The following HECA variants were observed in gnomAD, a reference collection of about 807,000 sequenced individuals.
The protein encoded by HECA is HECA ribonucleoprotein granule regulator, also known as headcase protein homolog.
HECA carries 13 observed loss-of-function variants against 37.6 expected under a neutral mutation model. That is an observed-to-expected ratio of 0.35 (90% CI 0.23 to 0.55). The LOEUF (loss-of-function observed/expected upper bound fraction) is 0.55. Among genes scored for constraint, HECA ranks in the 20% least tolerant of loss-of-function variants. HECA has a pLI of 0.90. For synonymous variants in HECA, 307 were observed against 291.5 expected (o/e 1.05, Z -0.54); for missense variants, 527 against 701.9 (o/e 0.75, Z 2.82).
In HECA at chr6:139,150,892, A is replaced by T. The variant is rs1228445120; in HGVS notation, c.271+15225A>T. 2.6e-5 allele frequency among the ~76,000 whole-genome samples: 4 copies of T among 152,326 alleles called. No homozygotes were observed. In the East Asian group the frequency reaches 7.7e-4, roughly 29 times the overall value. On this transcript the variant is annotated intron_variant, in intron 1 of 3. Coordinates refer to ENST00000367658, the MANE Select transcript of HECA (RefSeq NM_016217.3). Reference sequence around the variant, plus strand: ...TAATTTTCCTTAGAAAATTTTATGAAATACTCCCTTGAAATCAAATCATAT... The same window carrying T: ...TAATTTTCCTTAGAAAATTTTATGATATACTCCCTTGAAATCAAATCATAT...
At chr6:139,160,255 TAAAC>T (rs937830592) in intron 1 of HECA, among the ~76,000 whole-genome samples, 3 of 152,238 alleles carry the variant, frequency 2.0e-5, no homozygotes, top group Non-Finnish European at 2.9e-5. Flanking sequence ...TATACTTTTT[TAAAC>T]AATGCCAACT....
chr6:139,174,560 G>A (rs1775024392), intron 3 of HECA, 21 bp downstream of exon 3: 2 of 1,607,772 alleles, frequency 1.2e-6, no homozygotes, highest in Non-Finnish European at 1.7e-6. Context: ...AACACACTGA[G>A]GGAGCAGTGG....
intron 1 of HECA, among the ~76,000 whole-genome samples, chr6:139,146,620 G>T (rs1223707666): frequency 6.6e-6 from 1 of 152,180 alleles, no homozygotes; most frequent in East Asian, 1.9e-4. Flanking sequence ...GCCTGAGATG[G>T]CTGGTGATAG....
intron 1 of HECA, among the ~76,000 whole-genome samples, chr6:139,148,303 A>G (rs1562243654): frequency 6.6e-6 from 1 of 152,254 alleles, no homozygotes; most frequent in South Asian, 2.1e-4. Context: ...ATAAAGGTAA[A>G]GGTAAGGGAG....
At position 139,135,339 on chromosome 6, in the gene HECA, T is replaced by G; in HGVS notation, c.-58T>G. ...CTTCACGCAGGGCCGGGAACGGCCG[T>G]GCCTCTGGGATCCGCCTTCGCTGAC... On this transcript the variant is annotated 5_prime_UTR_variant, in exon 1 of 4. Coordinates refer to ENST00000367658, the MANE Select transcript of HECA (RefSeq NM_016217.3). The G allele has an allele frequency of 4.0e-6, 5 of 1,248,348 alleles. No individual in the cohort carries two copies. In the South Asian group the frequency reaches 4.7e-5, roughly 12 times the overall value. 77.3% of individuals were successfully genotyped at this position (1,248,348 alleles called of 1,614,324 possible).
At chr6:139,169,032 A>G (rs1461280942) in intron 2 of HECA, among the ~76,000 whole-genome samples, 2 of 152,098 alleles carry the variant, frequency 1.3e-5, no homozygotes, top group East Asian at 1.9e-4. Flanking sequence ...AAATTTCACC[A>G]TATGTGGGTC....
intron 1 of HECA, among the ~76,000 whole-genome samples, chr6:139,147,928 CAGT>C (rs754449892): frequency 1.3e-5 from 2 of 152,336 alleles, no homozygotes; most frequent in East Asian, 1.9e-4. Context: ...TTTACACCAT[CAGT>C]GGTGGTGCAG....
At position 139,157,108 on chromosome 6, in the gene HECA, G is replaced by A. The variant is rs924827304; in HGVS notation, c.272-9176G>A. ...CTTGATGATACACTAAACAAGTGGT[G>A]GATTATTCATGCCTCCCCTTTTTAG... is the stretch of plus-strand genomic sequence containing the variant. On this transcript the variant is annotated intron_variant, in intron 1 of 3. Coordinates refer to ENST00000367658, the MANE Select transcript of HECA (RefSeq NM_016217.3). Among the ~76,000 whole-genome samples, 5 of 152,182 alleles carry A rather than the reference G, an allele frequency of 3.3e-5. No homozygotes were observed. The East Asian group carries it at 5.8e-4, about 18-fold the overall frequency.
rs78970925 is a variant in HECA, at chr6:139,139,830, G to A, written c.271+4163G>A. 3.8e-3 allele frequency among the ~76,000 whole-genome samples: 586 copies of A among 152,358 alleles called. 4 individuals carry two copies. Among genetic ancestry groups the A allele is most frequent in the African/African-American group, 0.013 (553 of 41,578 alleles). ...AGAGGGACTCTGCTGAGAAGCTTCA[G>A]CTCTGAGTGAAAGGAGAGCCATTCT... On this transcript the variant is annotated intron_variant, in intron 1 of 3. Transcript: ENST00000367658.
intron 1 of HECA, among the ~76,000 whole-genome samples, chr6:139,160,009 T>C (rs987619834): frequency 3.1e-4 from 47 of 152,122 alleles, no homozygotes; most frequent in African/African-American, 1.0e-3. Flanking sequence ...CCTCTTTCAA[T>C]AGGTAAGGAG....
intron 1 of HECA, among the ~76,000 whole-genome samples, chr6:139,141,329 A>G (rs908147540): frequency 6.6e-6 from 1 of 152,188 alleles, no homozygotes; most frequent in Non-Finnish European, 1.5e-5. Flanking sequence ...AAAGAAGATC[A>G]TATATTTTAT....
chr6:139,140,632 T>C (rs915551076), intron 1 of HECA, among the ~76,000 whole-genome samples: 3 of 152,236 alleles, frequency 2.0e-5, no homozygotes, highest in African/African-American at 7.2e-5. Flanking sequence ...CCATGGAGAA[T>C]TGAAAACGGG....
At chr6:139,137,681 C>CT (rs1316066328) in intron 1 of HECA, among the ~76,000 whole-genome samples, 16 of 130,240 alleles carry the variant, frequency 1.2e-4, no homozygotes, top group Admixed American at 1.2e-3. Context: ...TCACAGTTTC[C>CT]TTTTTTTTCT....
intron 2 of HECA, among the ~76,000 whole-genome samples, chr6:139,172,223 C>A (rs1025073882): frequency 6.6e-5 from 10 of 152,160 alleles, no homozygotes; most frequent in Non-Finnish European, 1.3e-4. Flanking sequence ...TTCAGCCTCC[C>A]AAAATGCTGA....
At chr6:139,158,238 C>G (rs1326689039) in intron 1 of HECA, among the ~76,000 whole-genome samples, 1 of 151,950 alleles carries the variant, frequency 6.6e-6, no homozygotes, top group Non-Finnish European at 1.5e-5. Context: ...CTCGGTGGCT[C>G]ATGCCTGTAA....
At position 139,167,138 on chromosome 6, in the gene HECA, CA is replaced by C; in HGVS notation, c.1127del (p.Gln376ArgfsTer21). The C allele has an allele frequency of 1.2e-6, 2 of 1,614,152 alleles. No individual in the cohort carries two copies. The highest frequency in any genetic ancestry group is 1.7e-6 in the Non-Finnish European group (2 of 1,180,042). On this transcript the variant is annotated frameshift_variant, in exon 2 of 4. Transcript: ENST00000367658. LOFTEE classifies it high-confidence loss of function. ...CATGGAAGACGATGCCCAAGTGGGC[CA>C]GGGGGAAGACTTGCGGAAGTTCATT... ...VRMEDDAQVG[Q>X]GEDLRKFILA... is the part of the protein sequence containing the mutation.
At chr6:139,135,930 C>G (rs1304692444) in intron 1 of HECA, among the ~76,000 whole-genome samples, 1 of 151,884 alleles carries the variant, frequency 6.6e-6, no homozygotes, top group Non-Finnish European at 1.5e-5. Flanking sequence ...CAGCGCTGCC[C>G]TCGGGCCCAG....
At position 139,150,240 on chromosome 6, in the gene HECA, TCAAA is replaced by T. The variant is rs113781293; in HGVS notation, c.271+14576_271+14579del. Among the ~76,000 whole-genome samples the T allele has an allele frequency of 1.8e-3, 278 of 152,342 alleles. 4 individuals are homozygous for T. Among genetic ancestry groups the T allele is most frequent in the African/African-American group, 6.3e-3 (261 of 41,588 alleles). On this transcript the variant is annotated intron_variant, in intron 1 of 3. Transcript: ENST00000367658. ...TACCAAACTATATTGTGGATTTTAT[TCAAA>T]CAGTTTCTGTGGGTATGAAATACTG...
At chr6:139,136,923 C>T (rs1445837109) in intron 1 of HECA, among the ~76,000 whole-genome samples, 1 of 152,038 alleles carries the variant, frequency 6.6e-6, no homozygotes, top group Admixed American at 6.5e-5. Flanking sequence ...CGTGAGTCAC[C>T]ACGCCCAGCC....
Sources: gnomAD v4.1 joint callset for allele counts (sites outside exome capture counted in the v4.1 genomes callset) on GRCh38, gnomAD v4.1.1 for gene constraint, MANE v1.5 for transcripts, NCBI Gene and HGNC (gene_info 2026-07-23, HGNC 2026-07-21) for gene names.